PCGF5: variants seen among roughly 807,000 people sequenced by gnomAD.
PCGF5 encodes the protein polycomb group RING finger protein 5.
PCGF5 carries 9 observed loss-of-function variants against 44.3 expected under a neutral mutation model. That is an observed-to-expected ratio of 0.20 (90% CI 0.12 to 0.35). The LOEUF is 0.35. Among genes scored for constraint, PCGF5 ranks in the 10% least tolerant of loss-of-function variants. The probability of loss-of-function intolerance (pLI) is 1.00; values close to 1 mark genes in which losing one functional copy is unlikely to be tolerated. For synonymous variants in PCGF5, 95 were observed against 102.5 expected (o/e 0.93, Z 0.44); for missense variants, 146 against 305.3 (o/e 0.48, Z 3.89).
At chr10:91,238,897 G>A (rs1364411171) in intron 2 of PCGF5, among the ~76,000 whole-genome samples, 1 of 151,616 alleles carries the variant, frequency 6.6e-6, no homozygotes, top group East Asian at 1.9e-4. Context: ...TTTTTTTAAG[G>A]TTTTCTGATA....
Position 91,283,108 on chromosome 10 carries a change from A to T in PCGF5, c.*4792A>T, listed in dbSNP as rs1846491922. 6.6e-6 allele frequency: 1 copy of T among 152,214 alleles called. No homozygotes were observed. The highest frequency in any genetic ancestry group is 2.4e-5 in the African/African-American group (1 of 41,458). 9.4% of individuals were successfully genotyped at this position (152,214 alleles called of 1,614,324 possible). A position where few individuals can be genotyped will look rare whatever the true frequency, so the allele number is the denominator to read the frequency against. On this transcript the variant is annotated 3_prime_UTR_variant, in exon 10 of 10. Coordinates refer to ENST00000336126, the MANE Select transcript of PCGF5 (RefSeq NM_032373.5). ...TGAAAGTTCATTCAAATGTACTTAA[A>T]TGTACAATACAGTGTTCAATAGTTT...
chr10:91,197,429 C>T (rs556962963), intron 1 of PCGF5, among the ~76,000 whole-genome samples: 10 of 152,290 alleles, frequency 6.6e-5, no homozygotes, highest in African/African-American at 2.4e-4. Context: ...ATCACAACTG[C>T]TGATGTTTAT....
In PCGF5 at chr10:91,248,553, A is replaced by C; in HGVS notation, c.258A>C (p.Leu86=). The change falls in exon 4 of 10, where the codon CTA becomes CTC. Residue 86 remains leucine (L), a synonymous_variant. Coordinates refer to ENST00000336126, the MANE Select transcript of PCGF5 (RefSeq NM_032373.5). The part of the protein sequence containing the change: ...EEIIFKLVPG[L]REQELERESE... ...TTATATTTAAGCTGGTCCCTGGACTACGAGAACGTAAGTGGCTCTTTAGGT... is the reference window on the plus strand; with the variant it reads ...TTATATTTAAGCTGGTCCCTGGACTCCGAGAACGTAAGTGGCTCTTTAGGT... The C allele has an allele frequency of 6.2e-7, 1 of 1,612,996 alleles. No homozygotes were observed. The highest frequency in any genetic ancestry group is 8.5e-7 in the Non-Finnish European group (1 of 1,179,214).
In PCGF5 at chr10:91,281,790, C is replaced by G. The variant is rs917016750; in HGVS notation, c.*3474C>G. On this transcript the variant is annotated 3_prime_UTR_variant, in exon 10 of 10. Coordinates refer to ENST00000336126, the MANE Select transcript of PCGF5 (RefSeq NM_032373.5). ...ATCAGTCAAATGCAGGCTTTTCTTG[C>G]AATAATCAGAACACACTTCCTTTCA... 6.6e-6 allele frequency: 1 copy of G among 152,200 alleles called. No homozygotes were observed. Among genetic ancestry groups the G allele is most frequent in the African/African-American group, 2.4e-5 (1 of 41,422 alleles). 9.4% of individuals were successfully genotyped at this position (152,200 alleles called of 1,614,324 possible). A position where few individuals can be genotyped will look rare whatever the true frequency, so the allele number is the denominator to read the frequency against.
intron 6 of PCGF5, among the ~76,000 whole-genome samples, chr10:91,260,669 A>T (rs1361966126): frequency 6.6e-6 from 1 of 152,160 alleles, no homozygotes; most frequent in Non-Finnish European, 1.5e-5. Flanking sequence ...AGGGACATGG[A>T]TGAAGCTGGA....
chr10:91,172,079 G>A (rs977889043), intron 1 of PCGF5, among the ~76,000 whole-genome samples: 10 of 152,186 alleles, frequency 6.6e-5, no homozygotes, highest in African/African-American at 2.2e-4. Context: ...GATTACAGAC[G>A]TGTGGCAGAG....
chr10:91,253,000 A>G (rs1482772908), intron 6 of PCGF5, among the ~76,000 whole-genome samples: 3 of 151,902 alleles, frequency 2.0e-5, no homozygotes, highest in African/African-American at 7.2e-5. Context: ...TTCTTAGTTT[A>G]TAAATGACTT....
chr10:91,224,641 G>A (rs576633468), intron 2 of PCGF5, among the ~76,000 whole-genome samples: 3 of 152,278 alleles, frequency 2.0e-5, no homozygotes, highest in African/African-American at 4.8e-5. Flanking sequence ...GAAGGACTCT[G>A]TGGATATATG....
In PCGF5 at chr10:91,248,921, A is replaced by G. The variant is rs1246468362; in HGVS notation, c.325+197A>G. ...GTGTAAATCTGAAGTCACTTTAGTG[A>G]GGGTAATTGGAAATAGAGGAAATTG... On this transcript the variant is annotated intron_variant, in intron 5 of 9. Transcript: ENST00000336126. 3.9e-5 allele frequency among the ~76,000 whole-genome samples: 6 copies of G among 152,046 alleles called. No individual in the cohort carries two copies. In the East Asian group the frequency reaches 1.2e-3, roughly 29 times the overall value.
chr10:91,192,571 A>G (rs1844052682), intron 1 of PCGF5, among the ~76,000 whole-genome samples: 1 of 152,256 alleles, frequency 6.6e-6, no homozygotes, highest in Non-Finnish European at 1.5e-5. Context: ...TATTTATTCA[A>G]GAAATACCTA....
At chr10:91,203,774 A>G (rs1041201832) in intron 1 of PCGF5, among the ~76,000 whole-genome samples, 1 of 152,196 alleles carries the variant, frequency 6.6e-6, no homozygotes, top group African/African-American at 2.4e-5. Context: ...AAATTGAAAT[A>G]AATTTTATAG....
At chr10:91,227,874 C>T in intron 2 of PCGF5, 1 of 983,838 alleles carries the variant, frequency 1.0e-6, no homozygotes, top group Non-Finnish European at 1.2e-6. Context: ...AAAACTCATC[C>T]CCTCTAAGAT....
intron 1 of PCGF5, among the ~76,000 whole-genome samples, chr10:91,168,424 A>G (rs1009529360): frequency 2.0e-5 from 3 of 152,222 alleles, no homozygotes; most frequent in African/African-American, 4.8e-5. Context: ...TAGATTTGTC[A>G]GTGAGACCAT....
At chr10:91,270,183 C>T (rs1010353513) in intron 8 of PCGF5, among the ~76,000 whole-genome samples, 3 of 152,120 alleles carry the variant, frequency 2.0e-5, no homozygotes, top group African/African-American at 7.2e-5. Flanking sequence ...TCCTGCTCAC[C>T]TTTTCTTGGG....
chr10:91,172,279 C>T (rs1220235011), intron 1 of PCGF5, among the ~76,000 whole-genome samples: 5 of 152,080 alleles, frequency 3.3e-5, no homozygotes, highest in East Asian at 1.9e-4. Context: ...ATTAGCTGGG[C>T]GTGGTGGCAT....
intron 1 of PCGF5, among the ~76,000 whole-genome samples, chr10:91,171,016 C>T (rs1304628529): frequency 6.6e-6 from 1 of 152,114 alleles, no homozygotes; most frequent in Non-Finnish European, 1.5e-5. Flanking sequence ...TGTGTGATTC[C>T]AACTACACAA....
chr10:91,217,121 C>T (rs1844556413), upstream of PCGF5, among the ~76,000 whole-genome samples: 1 of 152,120 alleles, frequency 6.6e-6, no homozygotes, highest in African/African-American at 2.4e-5. Context: ...GCAAGTTCCA[C>T]CTCCTGGGTT....
chr10:91,215,706 T>G (rs538101967), upstream of PCGF5, among the ~76,000 whole-genome samples: 1 of 152,268 alleles, frequency 6.6e-6, no homozygotes, highest in South Asian at 2.1e-4. Flanking sequence ...TTATCATTCA[T>G]ATGCCATTAC....
chr10:91,197,029 G>A (rs1257081936), intron 1 of PCGF5, among the ~76,000 whole-genome samples: 4 of 152,166 alleles, frequency 2.6e-5, no homozygotes, highest in Non-Finnish European at 5.9e-5. Flanking sequence ...AAAAAAACAT[G>A]ATGTGGTTTT....
Sources: allele counts gnomAD v4.1 joint callset (sites outside exome capture counted in the v4.1 genomes callset), GRCh38; gene constraint gnomAD v4.1.1; transcripts MANE v1.5; gene names NCBI Gene and HGNC (gene_info 2026-07-23, HGNC 2026-07-21).